PDE1A: variants seen among roughly 807,000 people sequenced by gnomAD.
PDE1A encodes the protein dual specificity calcium/calmodulin-dependent 3',5'-cyclic nucleotide phosphodiesterase 1A.
In PDE1A, 35 loss-of-function variants were observed where a neutral mutation model predicts 61.7. The observed-to-expected ratio is 0.57, with a 90% CI of 0.43 to 0.75. PDE1A has a LOEUF of 0.75. PDE1A is among the 30% of genes least tolerant of loss of function. The probability of loss-of-function intolerance (pLI) is 0.00; values close to 1 mark genes in which losing one functional copy is unlikely to be tolerated. For synonymous variants in PDE1A, 232 were observed against 213.2 expected, an observed-to-expected ratio of 1.09 and a Z score of -0.77; for missense variants, 597 against 630.6, an observed-to-expected ratio of 0.95 and a Z score of 0.57.
At chr2:182,671,450 A>T in the PDE1A span, among the ~76,000 whole-genome samples, 1 of 147,944 alleles carries the variant, frequency 6.8e-6, no homozygotes, top group Non-Finnish European at 1.5e-5. Context: ...AACCTCCCAA[A>T]GTGCTGAGAT....
intron 2 of PDE1A, among the ~76,000 whole-genome samples, chr2:182,521,673 A>G (rs1690576870): frequency 6.6e-6 from 1 of 152,130 alleles, no homozygotes; most frequent in African/African-American, 2.4e-5. Context: ...ACTAAGGGCT[A>G]TTATGTACTA....
intron 2 of PDE1A, among the ~76,000 whole-genome samples, chr2:182,503,210 T>C (rs1314380529): frequency 5.3e-5 from 8 of 152,176 alleles, no homozygotes; most frequent in Admixed American, 3.3e-4. Context: ...AAGGCACCAA[T>C]GTCACCAAAG....
At chr2:182,297,114 C>G (rs1005172546) in intron 1 of PDE1A, among the ~76,000 whole-genome samples, 1 of 152,124 alleles carries the variant, frequency 6.6e-6, no homozygotes, top group Admixed American at 6.5e-5. Flanking sequence ...AATATATCCT[C>G]TTGGTTCTGT....
At chr2:182,529,870 T>C in the PDE1A span, among the ~76,000 whole-genome samples, 1 of 152,224 alleles carries the variant, frequency 6.6e-6, no homozygotes, top group South Asian at 2.1e-4. Flanking sequence ...CCTAACCATG[T>C]GGAACTGTGA....
intron 3 of PDE1A, among the ~76,000 whole-genome samples, chr2:182,235,989 C>A (rs1212045901): frequency 6.6e-6 from 1 of 152,116 alleles, no homozygotes; most frequent in African/African-American, 2.4e-5. Flanking sequence ...CCTTTTAAGT[C>A]TTGACTAGTT....
At chr2:182,192,564 T>C (rs1685789444) in intron 10 of PDE1A, among the ~76,000 whole-genome samples, 3 of 152,116 alleles carry the variant, frequency 2.0e-5, no homozygotes, top group African/African-American at 7.2e-5. Flanking sequence ...AATATTTATT[T>C]TCCATCAAGG....
the PDE1A span, among the ~76,000 whole-genome samples, chr2:182,554,026 G>C: frequency 2.6e-5 from 4 of 152,148 alleles, no homozygotes; most frequent in African/African-American, 7.2e-5. Context: ...GATCAGGTTT[G>C]TATTTCAGTA....
At chr2:182,285,498 T>C (rs1453981322) in intron 1 of PDE1A, among the ~76,000 whole-genome samples, 2 of 151,922 alleles carry the variant, frequency 1.3e-5, no homozygotes, top group Non-Finnish European at 2.9e-5. Context: ...GGTCAAATTA[T>C]GTCTAAGGAC....
At chr2:182,583,224 A>C in the PDE1A span, among the ~76,000 whole-genome samples, 20 of 152,346 alleles carry the variant, frequency 1.3e-4, no homozygotes, top group East Asian at 2.5e-3. Context: ...TGATTCAGCT[A>C]TTACGCATTT....
At chr2:182,647,694 A>G in the PDE1A span, among the ~76,000 whole-genome samples, 1 of 152,212 alleles carries the variant, frequency 6.6e-6, no homozygotes, top group African/African-American at 2.4e-5. Context: ...TATGGCTTTT[A>G]AAGATACGAT....
At chr2:182,386,053 C>T (rs1701056156) in intron 1 of PDE1A, among the ~76,000 whole-genome samples, 1 of 152,232 alleles carries the variant, frequency 6.6e-6, no homozygotes, top group African/African-American at 2.4e-5. Flanking sequence ...CGGGGTTTCG[C>T]TGTGTTGGCC....
chr2:182,536,003 G>GCGAGGCTAAAGTGAACAGTCCA, the PDE1A span, among the ~76,000 whole-genome samples: 28 of 152,164 alleles, frequency 1.8e-4, no homozygotes, highest in East Asian at 5.2e-3. Flanking sequence ...TGAACAGTCC[G>GCGAGGCTAAAGTGAACAGTCCA]AAATAGCGAG....
the PDE1A span, among the ~76,000 whole-genome samples, chr2:182,584,518 G>T: frequency 6.6e-6 from 1 of 152,312 alleles, no homozygotes; most frequent in Non-Finnish European, 1.5e-5. Context: ...TCACTTGGAC[G>T]TCATGCTGTA....
chr2:182,225,529 A>C (rs1689073383), intron 6 of PDE1A, among the ~76,000 whole-genome samples: 1 of 151,952 alleles, frequency 6.6e-6, no homozygotes, highest in South Asian at 2.1e-4. Flanking sequence ...CATTAAAAAG[A>C]GGCAACAGTG....
At chr2:182,627,320 T>TAA in the PDE1A span, among the ~76,000 whole-genome samples, 1 of 86,540 alleles carries the variant, frequency 1.2e-5, no homozygotes, top group South Asian at 3.2e-4. Context: ...AATATATATA[T>TAA]TATATATATA....
chr2:182,649,385 C>A, the PDE1A span, among the ~76,000 whole-genome samples: 1 of 152,116 alleles, frequency 6.6e-6, no homozygotes, highest in African/African-American at 2.4e-5. Context: ...GAATAAAGTC[C>A]CAGCCGTAGA....
intron 2 of PDE1A, among the ~76,000 whole-genome samples, chr2:182,476,862 G>T (rs1385935163): frequency 1.3e-5 from 2 of 149,510 alleles, no homozygotes; most frequent in Non-Finnish European, 3.0e-5. Context: ...TATATAAGAA[G>T]GTTTCAATTT....
intron 1 of PDE1A, among the ~76,000 whole-genome samples, chr2:182,270,174 C>T (rs1028281821): frequency 6.6e-6 from 1 of 152,104 alleles, no homozygotes; most frequent in African/African-American, 2.4e-5. Context: ...TAAAAGAAGA[C>T]AGAAACAAAA....
At chr2:182,307,373 G>C (rs1280742417) in intron 1 of PDE1A, among the ~76,000 whole-genome samples, 1 of 152,070 alleles carries the variant, frequency 6.6e-6, no homozygotes, top group Non-Finnish European at 1.5e-5. Flanking sequence ...TTTTGTTGTG[G>C]GAGTGGGTTC....
Sources: gnomAD v4.1 joint callset for allele counts (sites outside exome capture counted in the v4.1 genomes callset) on GRCh38, gnomAD v4.1.1 for gene constraint, MANE v1.5 for transcripts, NCBI Gene and HGNC (gene_info 2026-07-23, HGNC 2026-07-21) for gene names.